Variants in DDX60L observed in about 807,000 individuals in gnomAD.
The protein encoded by DDX60L is probable ATP-dependent RNA helicase DDX60-like.
In DDX60L, 191 loss-of-function variants were observed where a neutral mutation model predicts 211.6. That is an observed-to-expected ratio of 0.90 (90% CI 0.80 to 1.02). DDX60L has a LOEUF of 1.02. DDX60L is among the 50% of genes least tolerant of loss of function. The probability of loss-of-function intolerance (pLI) is 0.00; values close to 1 mark genes in which losing one functional copy is unlikely to be tolerated. For synonymous variants in DDX60L, 706 were observed against 694.1 expected, an observed-to-expected ratio of 1.02 and a Z score of -0.27; for missense variants, 2,007 against 1,984.1, an observed-to-expected ratio of 1.01 and a Z score of -0.22.
At position 168,453,120 on chromosome 4, in the gene DDX60L, T is replaced by C. The variant is rs750858189; in HGVS notation, c.996+4A>G. On this transcript the variant is annotated splice_donor_region_variant and intron_variant, in intron 8 of 37. Coordinates refer to ENST00000682922, the MANE Select transcript of DDX60L (RefSeq NM_001012967.3). ...CAGACAAAAAATAAACAAAATATGT[T>C]TACCATTTTTAAGAAAGAATCACTG... 1 of 1,601,964 alleles carries C rather than the reference T, an allele frequency of 6.2e-7. No individual in the cohort carries two copies.
At chr4:168,393,188 C>A (rs1426961398) in intron 28 of DDX60L, among the ~76,000 whole-genome samples, 2 of 152,008 alleles carry the variant, frequency 1.3e-5, no homozygotes, top group African/African-American at 2.4e-5. Context: ...TCTAATACTC[C>A]TCACTCTTCT....
At chr4:168,466,939 TG>T (rs777352587) in intron 4 of DDX60L, among the ~76,000 whole-genome samples, 2 of 152,138 alleles carry the variant, frequency 1.3e-5, no homozygotes, top group Non-Finnish European at 2.9e-5. Flanking sequence ...AGAGGTTTTT[TG>T]TTTGTGTTCT....
intron 36 of DDX60L, among the ~76,000 whole-genome samples, chr4:168,371,320 GC>G (rs1740972405): frequency 6.7e-6 from 1 of 149,344 alleles, no homozygotes. Context: ...TAGTTCAAGT[GC>G]CAAAATTTTG....
At chr4:168,409,543 A>T (rs1748321725) in intron 22 of DDX60L, among the ~76,000 whole-genome samples, 1 of 152,244 alleles carries the variant, frequency 6.6e-6, no homozygotes, top group Non-Finnish European at 1.5e-5. Context: ...CCCTAAGCAC[A>T]GAGTCAGAGA....
chr4:168,379,725 C>A lies in DDX60L; in HGVS notation c.4221+1G>T, dbSNP rs377435405. ...AACAAAAAGCCAAAGCACGATGATA[C>A]CTCTTTGATAAGGAGCTGCAAGGAA... On this transcript the variant is annotated splice_donor_variant, in intron 31 of 37. Transcript: ENST00000682922. LOFTEE classifies it high-confidence loss of function. The A allele has an allele frequency of 6.2e-7, 1 of 1,610,444 alleles. No individual in the cohort carries two copies. The highest frequency in any genetic ancestry group is 1.3e-5 in the African/African-American group (1 of 74,950).
At chr4:168,421,152 C>T (rs1750536734) in intron 17 of DDX60L, among the ~76,000 whole-genome samples, 1 of 151,256 alleles carries the variant, frequency 6.6e-6, no homozygotes, top group Admixed American at 6.6e-5. Flanking sequence ...TAGCATACCA[C>T]TCCAAGGGAG....
At chr4:168,449,286 T>TA (rs1188000198) in intron 8 of DDX60L, among the ~76,000 whole-genome samples, 1 of 151,522 alleles carries the variant, frequency 6.6e-6, no homozygotes, top group African/African-American at 2.4e-5. Flanking sequence ...TATGCAGCCA[T>TA]AAAAAATGAT....
intron 4 of DDX60L, among the ~76,000 whole-genome samples, chr4:168,465,143 T>A (rs1353346812): frequency 1.7e-5 from 2 of 114,334 alleles, no homozygotes; most frequent in Non-Finnish European, 3.8e-5. Flanking sequence ...TTTCTCTACA[T>A]CCTTACTAGC....
intron 22 of DDX60L, among the ~76,000 whole-genome samples, chr4:168,412,564 C>CAACAT (rs76793280): frequency 0.11 from 17,137 of 152,072 alleles, 1,267 homozygotes; most frequent in Admixed American, 0.15. Context: ...GGATCCCAAA[C>CAACAT]AACATCTCTG....
chr4:168,388,469 A>G (rs903724360), intron 29 of DDX60L, among the ~76,000 whole-genome samples: 2 of 152,198 alleles, frequency 1.3e-5, no homozygotes, highest in Non-Finnish European at 2.9e-5. Context: ...GGCCCTACTA[A>G]TAACAGCTGG....
chr4:168,479,113 A>G (rs1445843722), intron 1 of DDX60L, among the ~76,000 whole-genome samples: 4 of 146,306 alleles, frequency 2.7e-5, no homozygotes, highest in Non-Finnish European at 4.4e-5. Flanking sequence ...GGATGGTTGG[A>G]TGGCTGGATG....
At chr4:168,432,212 G>T (rs1752454975) in intron 12 of DDX60L, among the ~76,000 whole-genome samples, 1 of 149,862 alleles carries the variant, frequency 6.7e-6, no homozygotes, top group African/African-American at 2.4e-5. Flanking sequence ...GCTTCCTACT[G>T]TGCCTCTTCA....
intron 19 of DDX60L, 79 bp downstream of exon 19, chr4:168,419,223 A>G: frequency 2.1e-6 from 2 of 936,086 alleles, no homozygotes; most frequent in Non-Finnish European, 3.0e-6. Context: ...TCATTGAAAA[A>G]GCCCTATATT....
At chr4:168,402,813 T>A (rs2149784569) in intron 25 of DDX60L, among the ~76,000 whole-genome samples, 1 of 152,326 alleles carries the variant, frequency 6.6e-6, no homozygotes, top group East Asian at 1.9e-4. Context: ...TACAAACCAG[T>A]GGACTCAACC....
rs546518275 is a variant in DDX60L, at chr4:168,361,244, A to C, written c.4929-33T>G. The C allele has an allele frequency of 2.8e-5, 39 of 1,389,872 alleles. No homozygotes were observed. The South Asian group carries it at 4.2e-4, about 15-fold the overall frequency. 86.1% of individuals were successfully genotyped at this position (1,389,872 alleles called of 1,614,324 possible). A position where few individuals can be genotyped will look rare whatever the true frequency, so the allele number is the denominator to read the frequency against. ...GAACAACATTTCTTAATTAAAAAGT[A>C]TAAAAACATAAACATAAAAGAATTA... On this transcript the variant is annotated intron_variant, in intron 36 of 37. Coordinates refer to ENST00000682922, the MANE Select transcript of DDX60L (RefSeq NM_001012967.3).
At chr4:168,447,771 G>A (rs937078665) in intron 9 of DDX60L, among the ~76,000 whole-genome samples, 35 of 150,854 alleles carry the variant, frequency 2.3e-4, no homozygotes, top group African/African-American at 7.8e-4. Flanking sequence ...GTAAACTATC[G>A]CAAGATCAAA....
In DDX60L at chr4:168,448,710, G is replaced by T; in HGVS notation, c.1066C>A (p.His356Asn). The T allele has an allele frequency of 6.2e-7, 1 of 1,604,544 alleles. No homozygotes were observed. Among genetic ancestry groups the T allele is most frequent in the Non-Finnish European group, 8.5e-7 (1 of 1,172,450 alleles). ...TGCTCATCATACAAGTCAGAAACAT[G>T]ATTTAAATTCAGATTCCAGCATCCA... ...VFGCWNLNLN[H>N]VSDLYDEQLL... is the part of the protein sequence containing the mutation. The change falls in exon 9 of 38, where the codon CAT becomes AAT. Residue 356 changes from histidine (H) to asparagine (N), a missense_variant. By Grantham distance (68) the His-to-Asn change is moderately conservative (BLOSUM62 1). Coordinates refer to ENST00000682922, the MANE Select transcript of DDX60L (RefSeq NM_001012967.3).
intron 5 of DDX60L, among the ~76,000 whole-genome samples, chr4:168,459,807 G>GGAAGGAAGGAAGGAAGGAAGGAAGGAAT: frequency 7.1e-6 from 1 of 141,474 alleles, no homozygotes; most frequent in Non-Finnish European, 1.5e-5. Flanking sequence ...AAGGAAGGAA[G>GGAAGGAAGGAAGGAAGGAAGGAAGGAAT]GAAGGAAGGA....
intron 30 of DDX60L, 111 bp downstream of exon 30, chr4:168,384,501 A>T (rs1388487634): frequency 1.4e-6 from 2 of 1,390,932 alleles, no homozygotes; most frequent in Non-Finnish European, 2.0e-6. Context: ...ACAATCAAAC[A>T]AAAAGAAAGT....
Sources: allele counts gnomAD v4.1 joint callset (sites outside exome capture counted in the v4.1 genomes callset), GRCh38; gene constraint gnomAD v4.1.1; transcripts MANE v1.5; gene names NCBI Gene and HGNC (gene_info 2026-07-23, HGNC 2026-07-21).